ZNF717: variants seen among roughly 807,000 people sequenced by gnomAD.
ZNF717 encodes the protein krueppel-like factor X17.
A neutral mutation model predicts 13.8 loss-of-function variants in ZNF717; 9 were observed. The observed-to-expected ratio is 0.65, with a 90% confidence interval of 0.39 to 1.14. The LOEUF is 1.14. ZNF717 is among the 50% of genes most tolerant of loss of function. ZNF717 has a pLI of 0.01. For missense variants in ZNF717, 1,040 were observed against 1,080.7 expected (o/e 0.96, Z 0.53); for synonymous variants, 327 against 364.1 (o/e 0.90, Z 1.16).
chr3:75,746,770 C>G (rs1487763499), intron 2 of ZNF717, among the ~76,000 whole-genome samples: 3 of 152,062 alleles, frequency 2.0e-5, no homozygotes, highest in Non-Finnish European at 4.4e-5. Context: ...TGGATATTAG[C>G]CCTTTGTCAG....
intron 4 of ZNF717, among the ~76,000 whole-genome samples, chr3:75,720,810 C>G (rs1402009946): frequency 6.6e-6 from 1 of 152,054 alleles, no homozygotes; most frequent in Non-Finnish European, 1.5e-5. Flanking sequence ...TAGCAAGACC[C>G]CATTTTTACT....
intron 2 of ZNF717, among the ~76,000 whole-genome samples, chr3:75,764,990 G>GATATATATATATATATATATAT (rs71101852): frequency 7.2e-4 from 74 of 102,322 alleles, no homozygotes; most frequent in Non-Finnish European, 9.5e-4. Context: ...TAAACAAAAG[G>GATATATATATATATATATATAT]ATATATATAT....
downstream of ZNF717, among the ~76,000 whole-genome samples, chr3:75,705,476 G>A (rs62247283): frequency 1.2e-4 from 19 of 152,406 alleles, no homozygotes; most frequent in African/African-American, 4.1e-4. Context: ...CTTGGCTGGG[G>A]CTGAACTCCC....
At chr3:75,720,877 T>A (rs1316286623) in intron 4 of ZNF717, among the ~76,000 whole-genome samples, 2 of 152,200 alleles carry the variant, frequency 1.3e-5, no homozygotes, top group East Asian at 3.9e-4. Context: ...CCTTTCTTAC[T>A]CCTTCTTCTC....
downstream of ZNF717, among the ~76,000 whole-genome samples, chr3:75,729,049 G>A (rs1301230984): frequency 6.7e-6 from 1 of 150,082 alleles, no homozygotes. Context: ...TGGGCAGAGG[G>A]GTGAGAACAG....
At chr3:75,707,682 G>A (rs1937833956), downstream of ZNF717, among the ~76,000 whole-genome samples, 1 of 152,210 alleles carries the variant, frequency 6.6e-6, no homozygotes, top group South Asian at 2.1e-4. Context: ...CACGGGGTCA[G>A]GGAGTTCCCT....
intron 2 of ZNF717, among the ~76,000 whole-genome samples, chr3:75,755,540 G>A (rs1942395374): frequency 6.6e-6 from 1 of 152,094 alleles, no homozygotes; most frequent in Non-Finnish European, 1.5e-5. Context: ...TTATACACAA[G>A]TGAAATAAAG....
chr3:75,748,973 T>TC (rs1384989165), intron 2 of ZNF717, among the ~76,000 whole-genome samples: 4 of 151,956 alleles, frequency 2.6e-5, no homozygotes, highest in African/African-American at 9.7e-5. Flanking sequence ...CGAGTGTTTG[T>TC]CCCTCACATA....
chr3:75,750,063 G>C (rs1261731728), intron 2 of ZNF717, among the ~76,000 whole-genome samples: 8 of 151,746 alleles, frequency 5.3e-5, no homozygotes, highest in African/African-American at 1.9e-4. Context: ...ACGAGGGTCT[G>C]AATGTTTGTC....
At chr3:75,722,072 C>A (rs1409444730) in intron 4 of ZNF717, among the ~76,000 whole-genome samples, 3 of 142,280 alleles carry the variant, frequency 2.1e-5, no homozygotes, top group Non-Finnish European at 4.5e-5. Flanking sequence ...ACGTTGAAAC[C>A]CCATCTCTAC....
chr3:75,709,318 AC>A (rs1937882547), downstream of ZNF717, among the ~76,000 whole-genome samples: 1 of 151,870 alleles, frequency 6.6e-6, no homozygotes, highest in South Asian at 2.1e-4. Context: ...CTTTTAAACA[AC>A]CAGAACTCAC....
In ZNF717 at chr3:75,738,850, T is replaced by G; in HGVS notation, c.773A>C (p.Gln258Pro). 2.6e-6 allele frequency: 4 copies of G among 1,551,234 alleles called. No homozygotes were observed. The highest frequency in any genetic ancestry group is 2.4e-5 in the South Asian group (2 of 84,068). The change falls in exon 5 of 5, where the codon CAG becomes CCG. Residue 258 changes from glutamine (Q) to proline (P), a missense_variant. This residue lies in a region of ZNF717 where 873 missense variants were observed against 832.8 expected (regional missense o/e 1.05). Coordinates refer to ENST00000652011, the MANE Select transcript of ZNF717 (RefSeq NM_001290208.3). Reference protein sequence around the residue: ...NSAVIVQVITQVGQPTCCRKS... With the variant: ...NSAVIVQVITPVGQPTCCRKS... ...TCTACAGCAAGTTGGCTGTCCTACC[T>G]GAGTTATCACTTGGACAATAACAGC...
intron 1 of ZNF717, among the ~76,000 whole-genome samples, chr3:75,784,178 C>G (rs564324651): frequency 1.8e-3 from 273 of 152,288 alleles, no homozygotes; most frequent in African/African-American, 5.9e-3. Context: ...CTCAGTCAAC[C>G]CACCATGTGA....
At chr3:75,728,367 T>A (rs1460719307), downstream of ZNF717, among the ~76,000 whole-genome samples, 36 of 151,488 alleles carry the variant, frequency 2.4e-4, no homozygotes, top group African/African-American at 8.8e-4. Flanking sequence ...TATGCTTTTC[T>A]TCAAAAATGA....
In ZNF717 at chr3:75,773,745, C is replaced by T. The variant is rs146761507; in HGVS notation, c.57+9561G>A. On this transcript the variant is annotated intron_variant, in intron 2 of 4. Transcript: ENST00000652011. ...TGGTGAGGAGGGCGACAGAGCAAGA[C>T]GCTATCTTTAACAAAAAAAAATGGC... Among the ~76,000 whole-genome samples the T allele has an allele frequency of 5.3e-5, 8 of 152,124 alleles. No individual in the cohort carries two copies. The East Asian group carries it at 5.8e-4, about 11-fold the overall frequency.
At chr3:75,719,893 G>C (rs1938134791) in intron 4 of ZNF717, among the ~76,000 whole-genome samples, 1 of 151,928 alleles carries the variant, frequency 6.6e-6, no homozygotes, top group Non-Finnish European at 1.5e-5. Context: ...GGGAGAAGGA[G>C]GTTGCAGTGA....
chr3:75,743,895 G>A (rs74770173), intron 2 of ZNF717, among the ~76,000 whole-genome samples: 2 of 152,242 alleles, frequency 1.3e-5, no homozygotes, highest in Non-Finnish European at 2.9e-5. Context: ...AAACATCTGA[G>A]GTTCCATATG....
chr3:75,758,256 A>G (rs1942670730), intron 2 of ZNF717, among the ~76,000 whole-genome samples: 2 of 152,190 alleles, frequency 1.3e-5, no homozygotes, highest in Admixed American at 1.3e-4. Flanking sequence ...CTAGAATCAG[A>G]GACAGAGCCT....
chr3:75,737,241 A>C lies in ZNF717; in HGVS notation c.2382T>G (p.Thr794=). The part of the protein sequence containing the change: ...KPYECDECRK[T]FYDKTVLTIH... ...TGGTGAGAACTGTCTTATCGTAAAA[A>C]GTTTTCCTACATTCATCACATTCAT... Residue 794 remains threonine (T), a synonymous_variant, in exon 5 of 5, where the codon ACT becomes ACG. Transcript: ENST00000652011. 1 of 1,552,724 alleles carries C rather than the reference A, an allele frequency of 6.4e-7. No individual in the cohort carries two copies. The highest frequency in any genetic ancestry group is 8.7e-7 in the Non-Finnish European group (1 of 1,147,758).
Sources: allele counts gnomAD v4.1 joint callset (sites outside exome capture counted in the v4.1 genomes callset), GRCh38; gene constraint gnomAD v4.1.1; regional missense constraint gnomAD v4.1.1; transcripts MANE v1.5; gene names NCBI Gene and HGNC (gene_info 2026-07-23, HGNC 2026-07-21).